The following IWS1 variants were observed in gnomAD, a reference collection of about 807,000 sequenced individuals.
IWS1 encodes the protein protein IWS1 homolog.
A neutral mutation model predicts 86.7 loss-of-function variants in IWS1; 27 were observed. The ratio of observed to expected loss-of-function variants is 0.31; its 90% confidence interval spans 0.23 to 0.43. The LOEUF is 0.43. IWS1 is among the 20% of genes least tolerant of loss of function. IWS1 has a pLI of 1.00. For synonymous variants in IWS1, 313 were observed against 335.1 expected (o/e 0.93, Z 0.72); for missense variants, 827 against 1,000.8 (o/e 0.83, Z 2.34).
chr2:127,487,231 GCAA>G (rs1411567181), intron 12 of IWS1, among the ~76,000 whole-genome samples: 1 of 152,174 alleles, frequency 6.6e-6, no homozygotes, highest in African/African-American at 2.4e-5. Flanking sequence ...TCTCCCAATA[GCAA>G]CAACTTGCGA....
rs1035067711 is a variant in IWS1 at position 127,489,512 on chromosome 2, T to C, written c.2160-277A>G. 1 of 498,598 alleles carries C rather than the reference T, an allele frequency of 2.0e-6. No homozygotes were observed. Among genetic ancestry groups the C allele is most frequent in the East Asian group, 3.4e-5 (1 of 29,616 alleles). 30.9% of individuals were successfully genotyped at this position (498,598 alleles called of 1,614,324 possible). On this transcript the variant is annotated intron_variant, in intron 11 of 13. Coordinates refer to ENST00000295321, the MANE Select transcript of IWS1 (RefSeq NM_017969.3). This position sits in a 1 kb window ranked among gnomAD's most constrained non-coding sequence, Gnocchi z 4.8. ...CACTATTATCAATACAAACTAAAAC[T>C]ATAACATTTTTTCTTCTAGGAACTC...
At chr2:127,497,083 T>C (rs1446154991) in intron 6 of IWS1, among the ~76,000 whole-genome samples, 1 of 147,252 alleles carries the variant, frequency 6.8e-6, no homozygotes, top group Non-Finnish European at 1.5e-5. Flanking sequence ...CAAAATCACC[T>C]AATGACACAT....
chr2:127,495,766 A>C (rs1352795242), intron 7 of IWS1, among the ~76,000 whole-genome samples: 4 of 152,210 alleles, frequency 2.6e-5, no homozygotes, highest in Admixed American at 2.6e-4. Flanking sequence ...GAAACTAGCA[A>C]AGCCATTCAC....
chr2:127,493,413 G>T lies in IWS1; in HGVS notation c.1800-3C>A. ...TGAATGTTTCTTTAAGGTCCTGCCTGCAGTAACAATAATTTTTAAAAATTC... is the reference window on the plus strand; with the variant it reads ...TGAATGTTTCTTTAAGGTCCTGCCTTCAGTAACAATAATTTTTAAAAATTC... On this transcript the variant is annotated splice_polypyrimidine_tract_variant and splice_region_variant and intron_variant, in intron 8 of 13. Transcript: ENST00000295321. 1 of 1,590,480 alleles carries T rather than the reference G, an allele frequency of 6.3e-7. No individual in the cohort carries two copies. The highest frequency in any genetic ancestry group is 1.4e-5 in the African/African-American group (1 of 73,484).
rs1321295420 is a variant in IWS1, at chr2:127,503,594, C to T, written c.1220-18G>A. On this transcript the variant is annotated intron_variant, in intron 3 of 13. Transcript: ENST00000295321. ...CTTTGCTGCTGTTGAAAAAGAAAAT[C>T]ATCATTAATTTTATTTTATCACAGC... The T allele has an allele frequency of 1.9e-6, 3 of 1,549,614 alleles. No homozygotes were observed. The highest frequency in any genetic ancestry group is 2.7e-5 in the African/African-American group (2 of 73,298).
chr2:127,520,166 T>G (rs1434512630), intron 2 of IWS1, among the ~76,000 whole-genome samples: 1 of 152,156 alleles, frequency 6.6e-6, no homozygotes, highest in Non-Finnish European at 1.5e-5. Flanking sequence ...TGCCCCATTT[T>G]TTTTGTTTTG....
At chr2:127,485,966 C>T (rs1012445221) in intron 13 of IWS1, 4 of 153,746 alleles carry the variant, frequency 2.6e-5, no homozygotes, top group Non-Finnish European at 5.8e-5. Context: ...TTTGCTGAGT[C>T]GTTTCTGTTC....
chr2:127,490,089 G>T, intron 10 of IWS1, 146 bp from the exon 11 acceptor site: 1 of 623,582 alleles, frequency 1.6e-6, no homozygotes, highest in Non-Finnish European at 2.9e-6. Context: ...TAATTTATAG[G>T]ATAAACAAAG....
At chr2:127,513,551 TAAA>T (rs1392148525) in intron 2 of IWS1, among the ~76,000 whole-genome samples, 1 of 151,730 alleles carries the variant, frequency 6.6e-6, no homozygotes, top group African/African-American at 2.4e-5. Context: ...AATATAAAGA[TAAA>T]AACAGAAAAA....
At chr2:127,503,769 T>C (rs929166991) in intron 3 of IWS1, among the ~76,000 whole-genome samples, 193 bp from the exon 4 acceptor site, 2 of 152,066 alleles carry the variant, frequency 1.3e-5, no homozygotes, top group African/African-American at 4.8e-5. Flanking sequence ...AAATGGCTCA[T>C]TCAGAGTCAT....
At chr2:127,526,953 C>T (rs761647532), upstream of IWS1, 20 of 275,586 alleles carry the variant, frequency 7.3e-5, no homozygotes, top group East Asian at 9.4e-5. Flanking sequence ...CCGGCGTCTT[C>T]CTCTCTTTCA....
In IWS1 at chr2:127,505,283, C is replaced by T. The variant is rs143888410; in HGVS notation, c.620G>A (p.Arg207Gln). ...DSENEEPPKP[R>Q]MSDSESEELP... Reference sequence around the variant, plus strand: ...CTCCTCACTTTCAGAATCACTCATTCGAGGTTTGGGAGGCTCCTCATTTTC... The same window carrying T: ...CTCCTCACTTTCAGAATCACTCATTTGAGGTTTGGGAGGCTCCTCATTTTC... The change falls in exon 3 of 14, where the codon CGA becomes CAA. Residue 207 changes from arginine (R) to glutamine (Q), a missense_variant. Arg to Gln is a conservative substitution (Grantham distance 43). Around this residue, in one of 2 missense-constraint regions of IWS1, gnomAD observed 548 missense variants for 560.2 expected, o/e 0.98. Coordinates refer to ENST00000295321, the MANE Select transcript of IWS1 (RefSeq NM_017969.3). This position sits in a 1 kb window ranked among gnomAD's most constrained non-coding sequence, Gnocchi z 5.0. The T allele has an allele frequency of 3.7e-6, 6 of 1,612,678 alleles. No individual in the cohort carries two copies. Among genetic ancestry groups the T allele is most frequent in the East Asian group, 2.2e-5 (1 of 44,716 alleles).
intron 5 of IWS1, chr2:127,501,775 A>C (rs1232673832): frequency 7.5e-6 from 1 of 132,646 alleles, no homozygotes; most frequent in Non-Finnish European, 1.5e-5. Context: ...GCTGGTTTCG[A>C]ACTTCTGGGC....
Position 127,486,678 on chromosome 2 carries a change from G to A in IWS1, c.2217-14C>T, listed in dbSNP as rs757058918. On this transcript the variant is annotated splice_polypyrimidine_tract_variant and intron_variant, in intron 12 of 13. Transcript: ENST00000295321. ...GGTCTAAGAGCCCTGAAAAAGGGAA[G>A]AGGAAGAGCATGCTTCTTATGTGGC... 2.9e-5 allele frequency: 47 copies of A among 1,601,822 alleles called. No homozygotes were observed. The highest frequency in any genetic ancestry group is 3.9e-5 in the Non-Finnish European group (46 of 1,169,068).
intron 13 of IWS1, among the ~76,000 whole-genome samples, chr2:127,485,565 A>G (rs1046685873): frequency 6.6e-6 from 1 of 152,194 alleles, no homozygotes; most frequent in African/African-American, 2.4e-5. Context: ...TGTAACACAT[A>G]TCACTGTAAT....
chr2:127,499,728 C>T lies in IWS1; in HGVS notation c.1468-1491G>A, dbSNP rs556916073. Among the ~76,000 whole-genome samples, 188 of 151,762 alleles carry T rather than the reference C, an allele frequency of 1.2e-3. 2 individuals carry two copies. The highest frequency in any genetic ancestry group is 4.1e-3 in the African/African-American group (168 of 41,198). Reference sequence around the variant, plus strand: ...ATTCATCTACCTTCACTCTCTATTGCATTGGTTAAAAATAAGTATTGTTTT... The same window carrying T: ...ATTCATCTACCTTCACTCTCTATTGTATTGGTTAAAAATAAGTATTGTTTT... On this transcript the variant is annotated intron_variant, in intron 5 of 13. Coordinates refer to ENST00000295321, the MANE Select transcript of IWS1 (RefSeq NM_017969.3). This position sits in a 1 kb window ranked among gnomAD's most constrained non-coding sequence, Gnocchi z 4.0.
chr2:127,501,916 T>A (rs1690838891), intron 5 of IWS1: 1 of 152,162 alleles, frequency 6.6e-6, no homozygotes, highest in Non-Finnish European at 1.5e-5. Flanking sequence ...ACTTGGTTCT[T>A]TTCCAAATTT....
Position 127,480,999 on chromosome 2 carries a change from T to A in IWS1, c.*45A>T, listed in dbSNP as rs149932920. 6.4e-7 allele frequency: 1 copy of A among 1,569,172 alleles called. No homozygotes were observed. Among genetic ancestry groups the A allele is most frequent in the South Asian group, 1.2e-5 (1 of 84,052 alleles). ...ATATCTTCTTTCTCCAAAGAGTCCA[T>A]TGCGCATTTCTTAGAGTAGAGATGG... On this transcript the variant is annotated 3_prime_UTR_variant, in exon 14 of 14. Transcript: ENST00000295321.
chr2:127,523,280 G>A (rs1692205909), intron 2 of IWS1, among the ~76,000 whole-genome samples: 1 of 152,024 alleles, frequency 6.6e-6, no homozygotes, highest in African/African-American at 2.4e-5. Context: ...GGCAAATGCT[G>A]ACATAAATGT....
Sources: allele counts gnomAD v4.1 joint callset (sites outside exome capture counted in the v4.1 genomes callset), GRCh38; gene constraint gnomAD v4.1.1; regional missense constraint gnomAD v4.1.1; non-coding constraint Gnocchi (gnomAD v3.1); transcripts MANE v1.5; gene names NCBI Gene and HGNC (gene_info 2026-07-23, HGNC 2026-07-21).